BIN2: variants seen among roughly 807,000 people sequenced by gnomAD.
BIN2 encodes the protein breast cancer associated protein BRAP1.
BIN2 carries 43 observed loss-of-function variants against 67.9 expected under a neutral mutation model. The observed-to-expected ratio is 0.63, with a 90% CI of 0.50 to 0.82. The LOEUF is 0.82. Ranked by LOEUF, BIN2 falls within the 40% of genes least tolerant of loss-of-function variation. The probability of loss-of-function intolerance (pLI) is 0.00; values close to 1 mark genes in which losing one functional copy is unlikely to be tolerated. For missense variants in BIN2, 581 were observed against 671.6 expected (o/e 0.87, Z 1.49); for synonymous variants, 244 against 246.8 (o/e 0.99, Z 0.11).
chr12:51,317,561 T>C (rs1299698530), intron 1 of BIN2, among the ~76,000 whole-genome samples: 1 of 151,462 alleles, frequency 6.6e-6, no homozygotes, highest in Non-Finnish European at 1.5e-5. Flanking sequence ...CCCAGCTACT[T>C]GGGAGGCTGA....
chr12:51,324,357 C>A (rs953749743), upstream of BIN2, among the ~76,000 whole-genome samples: 2 of 152,186 alleles, frequency 1.3e-5, no homozygotes, highest in African/African-American at 2.4e-5. Context: ...AGCTCCAACC[C>A]CTGCCCGAAA....
intron 11 of BIN2, among the ~76,000 whole-genome samples, chr12:51,285,716 C>G (rs1565668484): frequency 6.6e-6 from 1 of 151,344 alleles, no homozygotes; most frequent in South Asian, 2.1e-4. Context: ...CTCCACCTCC[C>G]AGGTTCAAGC....
upstream of BIN2, chr12:51,324,657 A>G (rs1265068163): frequency 3.2e-5 from 30 of 925,662 alleles, no homozygotes; most frequent in South Asian, 6.0e-4. Flanking sequence ...CGGGCTTGAA[A>G]GAGAGAAACA....
At position 51,284,713 on chromosome 12, in the gene BIN2, T is replaced by C. The variant is rs760206717; in HGVS notation, c.1668+3A>G. On this transcript the variant is annotated splice_donor_region_variant and intron_variant, in intron 12 of 12. Coordinates refer to ENST00000615107, the MANE Select transcript of BIN2 (RefSeq NM_016293.4). ...AATCTATTCTCTGTATATCTGGTCT[T>C]ACCTCTTCTTGAGGTTCAGGTGCTG... 35 of 1,602,994 alleles carry C rather than the reference T, an allele frequency of 2.2e-5. 1 individual carries two copies. In the South Asian group the frequency reaches 3.4e-4, roughly 16 times the overall value.
At chr12:51,314,267 C>T (rs1034230405) in intron 1 of BIN2, among the ~76,000 whole-genome samples, 1 of 151,712 alleles carries the variant, frequency 6.6e-6, no homozygotes, top group Non-Finnish European at 1.5e-5. Context: ...AGGCTGATCT[C>T]GAACTCCTGA....
intron 9 of BIN2, 30 bp downstream of exon 9, chr12:51,295,766 C>T (rs866914236): frequency 8.8e-6 from 14 of 1,597,630 alleles, no homozygotes; most frequent in African/African-American, 2.7e-5. Context: ...ACAGGACAAG[C>T]GAAGCAAAAA....
At chr12:51,318,871 C>T (rs1401169241) in intron 1 of BIN2, among the ~76,000 whole-genome samples, 1 of 152,122 alleles carries the variant, frequency 6.6e-6, no homozygotes, top group Non-Finnish European at 1.5e-5. Context: ...TTTAGTTTTG[C>T]TCCCTTGCCT....
chr12:51,315,504 G>T (rs969510158), intron 1 of BIN2, among the ~76,000 whole-genome samples: 1 of 152,114 alleles, frequency 6.6e-6, no homozygotes, highest in Non-Finnish European at 1.5e-5. Context: ...TTTTTGAGAA[G>T]GAAGGAGAAA....
intron 1 of BIN2, among the ~76,000 whole-genome samples, chr12:51,322,330 C>T (rs1172546355): frequency 6.6e-6 from 1 of 152,284 alleles, no homozygotes. Flanking sequence ...TTAGTGTTGA[C>T]GAGAGGCTAG....
intron 12 of BIN2, among the ~76,000 whole-genome samples, chr12:51,283,188 C>T (rs1187833865): frequency 1.3e-5 from 2 of 148,154 alleles, no homozygotes; most frequent in African/African-American, 5.0e-5. Flanking sequence ...ACCCAGGAGG[C>T]GGAGGTTGCA....
At chr12:51,289,040 G>T (rs188622595) in intron 10 of BIN2, among the ~76,000 whole-genome samples, 1 of 151,972 alleles carries the variant, frequency 6.6e-6, no homozygotes, top group African/African-American at 2.4e-5. Flanking sequence ...GAGCCACTGC[G>T]CCCGGCCCTT....
intron 6 of BIN2, 38 bp downstream of exon 6, chr12:51,299,569 G>T: frequency 6.3e-7 from 1 of 1,586,202 alleles, no homozygotes; most frequent in South Asian, 1.1e-5. Context: ...AGGAGAACAG[G>T]AAGGGTTTAC....
chr12:51,309,733 C>T (rs988239923), intron 2 of BIN2, among the ~76,000 whole-genome samples: 3 of 152,092 alleles, frequency 2.0e-5, no homozygotes, highest in African/African-American at 7.2e-5. Context: ...GTATTTTCCC[C>T]GCTTAAGTGA....
chr12:51,287,745 G>A (rs141622852), intron 11 of BIN2, among the ~76,000 whole-genome samples: 13,116 of 150,762 alleles, frequency 0.087, 598 homozygotes, highest in Non-Finnish European at 0.11. Flanking sequence ...TCCACCTCCC[G>A]GGTTCATGCC....
intron 3 of BIN2, 66 bp downstream of exon 3, chr12:51,303,021 T>C: frequency 1.9e-6 from 3 of 1,553,256 alleles, no homozygotes; most frequent in Non-Finnish European, 2.7e-6. Flanking sequence ...GGCTATTGTT[T>C]TCCACCCCAA....
chr12:51,303,187 A>G, intron 2 of BIN2, 46 bp from the exon 3 acceptor site: 1 of 1,591,948 alleles, frequency 6.3e-7, no homozygotes, highest in Non-Finnish European at 8.6e-7. Context: ...TTAATATTTC[A>G]AAAGATGCTC....
At position 51,291,874 on chromosome 12, in the gene BIN2, G is replaced by A; in HGVS notation, c.1232C>T (p.Ser411Leu). 1 of 1,614,194 alleles carries A rather than the reference G, an allele frequency of 6.2e-7. No individual in the cohort carries two copies. The highest frequency in any genetic ancestry group is 8.5e-7 in the Non-Finnish European group (1 of 1,180,026). The change falls in exon 10 of 13, where the codon TCA (serine) becomes TTA (leucine). Residue 411 changes from serine (S) to leucine (L), a missense_variant. Physicochemically the swap from Ser to Leu is moderately radical, Grantham distance 145. Transcript: ENST00000615107. ...PKKRASIQRT[S>L]APPSRPPPPR... ...TGGAGGAGGCCTACTAGGGGGTGCTGAGGTCCTCTGGATAGAGGCTCTCTT... is the reference window on the plus strand; with the variant it reads ...TGGAGGAGGCCTACTAGGGGGTGCTAAGGTCCTCTGGATAGAGGCTCTCTT...
chr12:51,288,576 A>G (rs1355892908), intron 10 of BIN2, among the ~76,000 whole-genome samples: 2 of 152,128 alleles, frequency 1.3e-5, no homozygotes, highest in Non-Finnish European at 2.9e-5. Flanking sequence ...AGCCTCAGGA[A>G]GGCAGGGTAT....
In BIN2 at chr12:51,291,853, G is replaced by A. The variant is rs1301773905; in HGVS notation, c.1253C>T (p.Pro418Leu). The part of the protein sequence containing the change: ...QRTSAPPSRP[P>L]PPRATASPRP... The stretch of plus-strand genomic sequence containing the variant: ...GGGGCTTGCAGTGGCTCTGGGTGGA[G>A]GAGGCCTACTAGGGGGTGCTGAGGT... The change falls in exon 10 of 13, where the codon CCT becomes CTT. Residue 418 changes from proline (P) to leucine (L), a missense_variant. Pro to Leu is a moderately conservative substitution (Grantham distance 98, BLOSUM62 -3). Coordinates refer to ENST00000615107, the MANE Select transcript of BIN2 (RefSeq NM_016293.4). 3 of 1,614,016 alleles carry A rather than the reference G, an allele frequency of 1.9e-6. No homozygotes were observed. Among genetic ancestry groups the A allele is most frequent in the East Asian group, 2.2e-5 (1 of 44,884 alleles).
Sources: allele counts gnomAD v4.1 joint callset (sites outside exome capture counted in the v4.1 genomes callset), GRCh38; gene constraint gnomAD v4.1.1; transcripts MANE v1.5; gene names NCBI Gene and HGNC (gene_info 2026-07-23, HGNC 2026-07-21).